MAGI2: variants seen among roughly 807,000 people sequenced by gnomAD.
The protein encoded by MAGI2 is membrane-associated guanylate kinase, WW and PDZ domain-containing protein 2.
MAGI2 carries 35 observed loss-of-function variants against 133.3 expected under a neutral mutation model. That is an observed-to-expected ratio of 0.26 (90% CI 0.20 to 0.35). The LOEUF is 0.35. Among genes scored for constraint, MAGI2 ranks in the 10% least tolerant of loss-of-function variants. The probability of loss-of-function intolerance (pLI) is 1.00; values close to 1 mark genes in which losing one functional copy is unlikely to be tolerated. For missense variants in MAGI2, 1,636 were observed against 1,863.4 expected, an observed-to-expected ratio of 0.88 and a Z score of 2.25; for synonymous variants, 729 against 710.6, an observed-to-expected ratio of 1.03 and a Z score of -0.41.
intron 20 of MAGI2, among the ~76,000 whole-genome samples, chr7:78,080,767 A>C (rs1031656872): frequency 6.6e-6 from 1 of 152,060 alleles, no homozygotes; most frequent in Non-Finnish European, 1.5e-5. Flanking sequence ...CTTTCTCCCA[A>C]AGTGGTTCTT....
intron 2 of MAGI2, among the ~76,000 whole-genome samples, chr7:78,639,247 G>C (rs1440852082): frequency 1.3e-5 from 2 of 152,138 alleles, no homozygotes; most frequent in African/African-American, 2.4e-5. Flanking sequence ...AGAAAATCCA[G>C]ATGAAAGAAA....
At chr7:78,910,127 T>C (rs375652056) in intron 2 of MAGI2, among the ~76,000 whole-genome samples, 2 of 151,962 alleles carry the variant, frequency 1.3e-5, no homozygotes, top group African/African-American at 4.8e-5. Flanking sequence ...ACATTCTGGG[T>C]CCTGTTGTGG....
chr7:78,965,793 A>C (rs1486929659), intron 2 of MAGI2, among the ~76,000 whole-genome samples: 1 of 152,084 alleles, frequency 6.6e-6, no homozygotes, highest in Non-Finnish European at 1.5e-5. Context: ...GCAGAACTTG[A>C]GCTTTTAAAA....
intron 10 of MAGI2, among the ~76,000 whole-genome samples, chr7:78,247,876 A>G (rs1791968789): frequency 6.6e-6 from 1 of 152,190 alleles, no homozygotes; most frequent in Admixed American, 6.5e-5. Flanking sequence ...AAGAAGTGAC[A>G]AAGATAGGGA....
rs150478850 is a variant in MAGI2, at chr7:79,133,805, C to T, written c.302-126599G>A. ...TCAGATAGAATGCAGGCAAGATACC[C>T]GCTCAAAGTGAGCATCAAACTAACT... On this transcript the variant is annotated intron_variant, in intron 1 of 21. Coordinates refer to ENST00000354212, the MANE Select transcript of MAGI2 (RefSeq NM_012301.4). Among the ~76,000 whole-genome samples, 570 of 152,254 alleles carry T rather than the reference C, an allele frequency of 3.7e-3. 4 individuals carry two copies. Among genetic ancestry groups the T allele is most frequent in the Non-Finnish European group, 6.9e-3 (469 of 68,008 alleles).
intron 2 of MAGI2, among the ~76,000 whole-genome samples, chr7:78,809,090 TC>T (rs1478745225): frequency 6.6e-6 from 1 of 152,194 alleles, no homozygotes; most frequent in Non-Finnish European, 1.5e-5. Flanking sequence ...CAATTTGTCT[TC>T]GTTTGCAAGT....
intron 2 of MAGI2, among the ~76,000 whole-genome samples, chr7:78,932,525 C>A (rs568529385): frequency 6.6e-6 from 1 of 151,742 alleles, no homozygotes; most frequent in South Asian, 2.1e-4. Context: ...AAAAAAAACA[C>A]TGCATAAAGC....
intron 1 of MAGI2, among the ~76,000 whole-genome samples, chr7:79,301,617 A>T (rs1837402532): frequency 6.6e-6 from 1 of 152,096 alleles, no homozygotes; most frequent in Non-Finnish European, 1.5e-5. Context: ...GAGACTTTGG[A>T]CTTTGAACTT....
intron 1 of MAGI2, among the ~76,000 whole-genome samples, chr7:79,313,571 A>G (rs983220047): frequency 2.0e-5 from 3 of 152,184 alleles, no homozygotes; most frequent in Admixed American, 6.5e-5. Flanking sequence ...GGTATCATTT[A>G]GGCCAACTTA....
At chr7:78,794,895 GA>G (rs944251567) in intron 2 of MAGI2, among the ~76,000 whole-genome samples, 32 of 151,266 alleles carry the variant, frequency 2.1e-4, no homozygotes, top group Middle Eastern at 6.8e-3. Flanking sequence ...TATTCCTAAT[GA>G]AAAAAAAATT....
chr7:78,291,546 A>G (rs932755400), intron 9 of MAGI2, among the ~76,000 whole-genome samples: 37 of 152,188 alleles, frequency 2.4e-4, no homozygotes, highest in Non-Finnish European at 4.7e-4. Context: ...TATTCCAATC[A>G]ATAGAAAAAG....
intron 2 of MAGI2, among the ~76,000 whole-genome samples, chr7:78,915,046 G>C (rs146719031): frequency 4.3e-3 from 658 of 152,226 alleles, no homozygotes; most frequent in Non-Finnish European, 7.3e-3. Flanking sequence ...TTAAGCCATA[G>C]CTGGAGGAGT....
intron 2 of MAGI2, among the ~76,000 whole-genome samples, chr7:78,682,600 A>G (rs1328751959): frequency 6.6e-5 from 10 of 152,274 alleles, no homozygotes; most frequent in African/African-American, 2.2e-4. Context: ...TATGTGCCAC[A>G]GTTTCTTTAT....
At chr7:78,509,748 C>G (rs983217927) in intron 4 of MAGI2, among the ~76,000 whole-genome samples, 1 of 152,092 alleles carries the variant, frequency 6.6e-6, no homozygotes, top group Non-Finnish European at 1.5e-5. Context: ...AACCAGAAGC[C>G]AAGATAAAAC....
At chr7:78,552,176 C>CTTTTTT (rs869196799) in intron 3 of MAGI2, among the ~76,000 whole-genome samples, 12 of 90,336 alleles carry the variant, frequency 1.3e-4, no homozygotes, top group Non-Finnish European at 1.9e-4. Context: ...ATTTGTTTTC[C>CTTTTTT]TTTTTTTTTT....
chr7:78,145,815 T>A (rs1823257870), intron 16 of MAGI2, among the ~76,000 whole-genome samples: 1 of 152,070 alleles, frequency 6.6e-6, no homozygotes, highest in African/African-American at 2.4e-5. Flanking sequence ...TATGTTGGAG[T>A]GAGAGAGCTC....
At chr7:78,050,971 G>A (rs1041571757) in intron 21 of MAGI2, among the ~76,000 whole-genome samples, 4 of 152,230 alleles carry the variant, frequency 2.6e-5, no homozygotes, top group Admixed American at 1.3e-4. Context: ...CTTGCCCAGT[G>A]ATACCTCTGG....
intron 18 of MAGI2, among the ~76,000 whole-genome samples, chr7:78,128,531 T>C (rs765043675): frequency 8.6e-5 from 13 of 151,884 alleles, no homozygotes; most frequent in Non-Finnish European, 1.8e-4. Flanking sequence ...GGAAAACTAG[T>C]GCAAACCAGT....
intron 10 of MAGI2, among the ~76,000 whole-genome samples, chr7:78,244,756 C>T (rs1791578351): frequency 6.6e-6 from 1 of 151,834 alleles, no homozygotes; most frequent in African/African-American, 2.4e-5. Context: ...TAGCTTAATG[C>T]TAATGAGTCC....
Sources: allele counts gnomAD v4.1 joint callset (sites outside exome capture counted in the v4.1 genomes callset), GRCh38; gene constraint gnomAD v4.1.1; transcripts MANE v1.5; gene names NCBI Gene and HGNC (gene_info 2026-07-23, HGNC 2026-07-21).